Variants in TUBB8B observed in about 807,000 individuals in gnomAD.
TUBB8B encodes the protein tubulin beta 8B.
A neutral mutation model predicts 31.9 loss-of-function variants in TUBB8B; 26 were observed. The observed-to-expected ratio is 0.81, with a 90% CI of 0.60 to 1.13. The LOEUF is 1.13. Among genes scored for constraint, TUBB8B ranks in the 50% most tolerant of loss-of-function variants. The probability of loss-of-function intolerance (pLI) is 0.00; values close to 1 mark genes in which losing one functional copy is unlikely to be tolerated. For missense variants in TUBB8B, 467 were observed against 586.7 expected (o/e 0.80, Z 2.11); for synonymous variants, 173 against 231.0 (o/e 0.75, Z 2.28).
intron 3 of TUBB8B, 41 bp from the exon 4 acceptor site, chr18:48,488 C>G: frequency 1.8e-6 from 2 of 1,084,454 alleles, no homozygotes; most frequent in Non-Finnish European, 2.8e-6. Context: ...GCCAGGTATA[C>G]GGTCATCAGT....
intron 3 of TUBB8B, 122 bp downstream of exon 3, chr18:48,818 G>A: frequency 5.1e-6 from 4 of 777,888 alleles, no homozygotes; most frequent in African/African-American, 1.7e-5. Context: ...GACTCGACTC[G>A]GCGGATAGGA....
At chr18:67,628 AG>A in the TUBB8B span, among the ~76,000 whole-genome samples, 5 of 152,200 alleles carry the variant, frequency 3.3e-5, no homozygotes, top group Admixed American at 6.6e-5. Context: ...GGTTAATTTT[AG>A]GTGTCAACTT....
upstream of TUBB8B, among the ~76,000 whole-genome samples, chr18:54,103 A>C (rs1906207786): frequency 6.6e-6 from 1 of 151,730 alleles, no homozygotes; most frequent in African/African-American, 2.4e-5. Context: ...CAAACTAAAA[A>C]TTAATTTCTA....
chr18:48,771 C>T, intron 3 of TUBB8B, 169 bp downstream of exon 3: 1 of 712,270 alleles, frequency 1.4e-6, no homozygotes, highest in Admixed American at 2.0e-5. Context: ...GACACCGGGG[C>T]CTTCCTCCCG....
At chr18:60,848 T>A in the TUBB8B span, among the ~76,000 whole-genome samples, 6 of 151,860 alleles carry the variant, frequency 4.0e-5, no homozygotes, top group East Asian at 1.9e-4. Context: ...TCAATTTTTT[T>A]AATGTTTTTA....
the TUBB8B span, among the ~76,000 whole-genome samples, chr18:59,546 C>CT: frequency 0.18 from 24,844 of 136,602 alleles, 2,783 homozygotes; most frequent in East Asian, 0.4. Flanking sequence ...GTCCTTCATT[C>CT]TTTTTTTTTT....
At chr18:52,221 T>C (rs1178695510), upstream of TUBB8B, among the ~76,000 whole-genome samples, 463 of 151,858 alleles carry the variant, frequency 3.0e-3, 5 homozygotes, top group Non-Finnish European at 4.8e-3. Context: ...GTCAGAGGAT[T>C]GCTGAGGAAA....
the TUBB8B span, among the ~76,000 whole-genome samples, chr18:61,520 GTTCTT>G: frequency 1.3e-5 from 2 of 151,320 alleles, no homozygotes; most frequent in Non-Finnish European, 3.0e-5. Context: ...TCCTCTCATT[GTTCTT>G]TTCTTTCTTC....
the TUBB8B span, among the ~76,000 whole-genome samples, chr18:63,554 C>T: frequency 6.6e-6 from 1 of 151,716 alleles, no homozygotes; most frequent in South Asian, 2.1e-4. Flanking sequence ...AGGCATAGAA[C>T]TTGGTCTCAC....
chr18:51,479 G>T (rs1906103355), upstream of TUBB8B, among the ~76,000 whole-genome samples: 1 of 151,874 alleles, frequency 6.6e-6, no homozygotes, highest in Non-Finnish European at 1.5e-5. Context: ...TTGCTCTGTT[G>T]CTCAGGCTGG....
chr18:72,196 A>AAAAAAAACAAAAAAAAAAAC, the TUBB8B span, among the ~76,000 whole-genome samples: 2 of 84,536 alleles, frequency 2.4e-5, no homozygotes, highest in Admixed American at 1.4e-4. Context: ...AAAAAAAAAA[A>AAAAAAAACAAAAAAAAAAAC]AAAGGAAAAA....
chr18:48,728 G>C, intron 3 of TUBB8B: 1 of 696,756 alleles, frequency 1.4e-6, no homozygotes, highest in Non-Finnish European at 2.6e-6. Context: ...CTCAGCTCCC[G>C]GCAGGGACAT....
chr18:47,554 G>T lies in TUBB8B; in HGVS notation c.1171C>A (p.Arg391Ser), dbSNP rs58330678. 3 of 1,590,574 alleles carry T rather than the reference G, an allele frequency of 1.9e-6. No homozygotes were observed. The highest frequency in any genetic ancestry group is 2.6e-6 in the Non-Finnish European group (3 of 1,159,624). Residue 391 changes from arginine to serine, a missense_variant, in exon 4 of 4, where the codon CGC becomes AGC. Physicochemically the swap from Arg to Ser is moderately radical, Grantham distance 110. Coordinates refer to ENST00000308911, the MANE Select transcript of TUBB8B (RefSeq NM_001358689.2). ...VSEQFTAMFR[R>S]KAFLHWYTGE... ...GTGTACCAGTGGAGGAAGGCCTTGCGCCTGAACATTGCTGTAAACTGCTCT... is the reference window on the plus strand; with the variant it reads ...GTGTACCAGTGGAGGAAGGCCTTGCTCCTGAACATTGCTGTAAACTGCTCT...
At chr18:55,383 G>A in the TUBB8B span, among the ~76,000 whole-genome samples, 1 of 151,872 alleles carries the variant, frequency 6.6e-6, no homozygotes, top group African/African-American at 2.4e-5. Context: ...ACAGGCATGT[G>A]CCACTGTGCC....
At chr18:60,654 C>T in the TUBB8B span, among the ~76,000 whole-genome samples, 2 of 151,620 alleles carry the variant, frequency 1.3e-5, no homozygotes, top group South Asian at 2.1e-4. Context: ...TTTTGCTATG[C>T]TATGTTTCTA....
upstream of TUBB8B, among the ~76,000 whole-genome samples, chr18:53,641 G>T (rs1906194030): frequency 6.6e-6 from 1 of 151,672 alleles, no homozygotes; most frequent in Non-Finnish European, 1.5e-5. Flanking sequence ...GCTAATTTTT[G>T]TATCTTTAGT....
chr18:50,073 A>G, upstream of TUBB8B: 1 of 365,096 alleles, frequency 2.7e-6, no homozygotes, highest in African/African-American at 2.1e-5. Context: ...GCAGTAAGCT[A>G]TGGGTGTTGG....
upstream of TUBB8B, among the ~76,000 whole-genome samples, chr18:53,594 A>G (rs954650906): frequency 1.3e-5 from 2 of 151,764 alleles, no homozygotes; most frequent in Non-Finnish European, 2.9e-5. Context: ...TCAGCCTCCC[A>G]AGTAGCTGGG....
In TUBB8B at chr18:47,990, C is replaced by G; in HGVS notation, c.735G>C (p.Gln245His). ...GVTTCLRFPG[Q>H]LNADLRKLAV... The stretch of plus-strand genomic sequence containing the variant: ...CCAGCTTCCGCAGGTCAGCATTCAG[C>G]TGGCCTGGGAAGCGCAGGCATGTGG... Residue 245 changes from glutamine to histidine, a missense_variant, in exon 4 of 4, where the codon CAG (glutamine) becomes CAC (histidine). This residue lies in a region of TUBB8B where 259 missense variants were observed against 380.1 expected (regional missense o/e 0.68). Coordinates refer to ENST00000308911, the MANE Select transcript of TUBB8B (RefSeq NM_001358689.2). 1 of 1,612,160 alleles carries G rather than the reference C, an allele frequency of 6.2e-7. No homozygotes were observed. The highest frequency in any genetic ancestry group is 1.7e-5 in the Admixed American group (1 of 60,028).
Sources: allele counts gnomAD v4.1 joint callset (sites outside exome capture counted in the v4.1 genomes callset), GRCh38; gene constraint gnomAD v4.1.1; regional missense constraint gnomAD v4.1.1; transcripts MANE v1.5; gene names NCBI Gene and HGNC (gene_info 2026-07-23, HGNC 2026-07-21).